Variants in CTNNA3 observed in about 807,000 individuals in gnomAD.
CTNNA3 encodes the protein catenin alpha 3, also known as catenin alpha-3.
In CTNNA3, 76 loss-of-function variants were observed where a neutral mutation model predicts 95.7. That is an observed-to-expected ratio of 0.79 (90% CI 0.66 to 0.96). The LOEUF is 0.96. CTNNA3 is among the 40% of genes least tolerant of loss of function. The pLI is 0.00. For missense variants in CTNNA3, 1,191 were observed against 1,089.8 expected (o/e 1.09, Z -1.31); for synonymous variants, 431 against 374.4 (o/e 1.15, Z -1.74).
chr10:67,526,854 T>C (rs1941362194), intron 4 of CTNNA3, among the ~76,000 whole-genome samples: 1 of 152,226 alleles, frequency 6.6e-6, no homozygotes, highest in Non-Finnish European at 1.5e-5. Context: ...GGTCATTCAA[T>C]AATTGTTTAT....
intron 7 of CTNNA3, among the ~76,000 whole-genome samples, chr10:66,859,264 C>T (rs1843806575): frequency 1.3e-5 from 2 of 151,960 alleles, no homozygotes; most frequent in African/African-American, 4.8e-5. Context: ...ACAACCTACT[C>T]ATCTGACAAA....
At position 67,260,597 on chromosome 10, in the gene CTNNA3, C is replaced by T. The variant is rs113822216; in HGVS notation, c.580-40727G>A. 3.8e-3 allele frequency among the ~76,000 whole-genome samples: 578 copies of T among 152,270 alleles called. 6 individuals carry two copies. The highest frequency in any genetic ancestry group is 0.013 in the African/African-American group (553 of 41,552). Reference sequence around the variant, plus strand: ...GCAAGAAGTGTCCTACCAATAATGCCGTCCTTGAAATGCAAGCATTGCAGG... The same window carrying T: ...GCAAGAAGTGTCCTACCAATAATGCTGTCCTTGAAATGCAAGCATTGCAGG... On this transcript the variant is annotated intron_variant, in intron 5 of 17. Coordinates refer to ENST00000433211, the MANE Select transcript of CTNNA3 (RefSeq NM_013266.4).
At chr10:67,452,891 T>C (rs75725479) in intron 5 of CTNNA3, among the ~76,000 whole-genome samples, 4 of 152,306 alleles carry the variant, frequency 2.6e-5, no homozygotes, top group East Asian at 1.9e-4. Flanking sequence ...TAAAATATAA[T>C]AGCAAATTAA....
rs941828514 is a variant in CTNNA3 at position 66,966,487 on chromosome 10, T to A, written c.1048-190963A>T. 6.1e-4 allele frequency among the ~76,000 whole-genome samples: 25 copies of A among 40,736 alleles called. 1 individual carries two copies. The highest frequency in any genetic ancestry group is 1.7e-3 in the Admixed American group (5 of 3,008). 26.7% of individuals were successfully genotyped at this position (40,736 alleles called of 152,430 possible). The stretch of plus-strand genomic sequence containing the variant: ...GGGTTAACTCGGCTATGTAATATAT[T>A]TTTTTTTTCAGGATATACCTTTCAG... On this transcript the variant is annotated intron_variant, in intron 7 of 17. Transcript: ENST00000433211.
chr10:67,109,791 C>T (rs1287437269), intron 7 of CTNNA3, among the ~76,000 whole-genome samples: 2 of 152,008 alleles, frequency 1.3e-5, no homozygotes, highest in Non-Finnish European at 2.9e-5. Context: ...TGCAGTGAGC[C>T]GAGATCGCGC....
At chr10:66,229,685 G>A (rs2132005548) in intron 13 of CTNNA3, among the ~76,000 whole-genome samples, 1 of 152,000 alleles carries the variant, frequency 6.6e-6, no homozygotes, top group Middle Eastern at 3.4e-3. Context: ...TTTCAGTATA[G>A]TTTGCCTCAG....
intron 7 of CTNNA3, among the ~76,000 whole-genome samples, chr10:66,882,933 C>A (rs1387565421): frequency 2.6e-5 from 4 of 151,852 alleles, no homozygotes; most frequent in African/African-American, 9.7e-5. Context: ...TTAGGAATAC[C>A]TAGGAGGTTT....
chr10:66,738,390 C>T (rs1279982167), intron 9 of CTNNA3, among the ~76,000 whole-genome samples: 2 of 152,168 alleles, frequency 1.3e-5, no homozygotes, highest in Non-Finnish European at 2.9e-5. Context: ...TTCTAATTTT[C>T]CTTCTCATCC....
At position 66,069,557 on chromosome 10, in the gene CTNNA3, T is replaced by C. The variant is rs545779753; in HGVS notation, c.1978-68A>G. ...CAAAAGCATTTTAGGAATAAGTAGA[T>C]ATTATAGGATACTCATAAAACTTGT... On this transcript the variant is annotated intron_variant, in intron 14 of 17. Transcript: ENST00000433211. 73 of 1,172,036 alleles carry C rather than the reference T, an allele frequency of 6.2e-5. No homozygotes were observed. The African/African-American group carries it at 1.1e-3, about 17-fold the overall frequency. The allele number at this position is 1,172,036 out of a possible 1,614,324, so 72.6% of individuals were successfully genotyped here. A position where few individuals can be genotyped will look rare whatever the true frequency, so the allele number is the denominator to read the frequency against.
chr10:66,394,550 T>TAAA (rs71035137), intron 11 of CTNNA3, among the ~76,000 whole-genome samples: 14 of 128,136 alleles, frequency 1.1e-4, no homozygotes, highest in Non-Finnish European at 2.0e-4. Context: ...AGCACTGGGT[T>TAAA]AAAAAAAAAA....
chr10:66,387,040 G>A (rs1375881918), intron 11 of CTNNA3, among the ~76,000 whole-genome samples: 1 of 152,040 alleles, frequency 6.6e-6, no homozygotes, highest in Non-Finnish European at 1.5e-5. Context: ...GCATAGGCAA[G>A]GACTTCATGA....
At chr10:67,508,592 G>A (rs10997683) in intron 5 of CTNNA3, among the ~76,000 whole-genome samples, 6,368 of 152,158 alleles carry the variant, frequency 0.042, 153 homozygotes, top group South Asian at 0.1. Flanking sequence ...TATGACATTA[G>A]TTTTCACAAT....
chr10:66,655,335 T>G (rs1211184566), intron 9 of CTNNA3, among the ~76,000 whole-genome samples: 1 of 152,034 alleles, frequency 6.6e-6, no homozygotes, highest in African/African-American at 2.4e-5. Context: ...ATATATACAA[T>G]CTAGTACTAA....
Position 66,779,120 on chromosome 10 carries a change from G to A in CTNNA3, c.1048-3596C>T, listed in dbSNP as rs1840428743. Among the ~76,000 whole-genome samples, 4 of 152,106 alleles carry A rather than the reference G, an allele frequency of 2.6e-5. 1 individual carries two copies. In the South Asian group the frequency reaches 8.3e-4, roughly 32 times the overall value. ...CTCCTTTGCTCTAAAACCCTTCACTGTATCCCTACTGATGAAATTAAGAAC... is the reference window on the plus strand; with the variant it reads ...CTCCTTTGCTCTAAAACCCTTCACTATATCCCTACTGATGAAATTAAGAAC... On this transcript the variant is annotated intron_variant, in intron 7 of 17. Transcript: ENST00000433211.
intron 9 of CTNNA3, chr10:66,766,015 T>C (rs1280287519): frequency 5.5e-6 from 2 of 365,458 alleles, no homozygotes; most frequent in Non-Finnish European, 9.9e-6. Context: ...TAAGGATAAA[T>C]CAAAGTATTC....
intron 6 of CTNNA3, among the ~76,000 whole-genome samples, chr10:67,208,338 C>T (rs1158035081): frequency 6.9e-6 from 1 of 144,686 alleles, no homozygotes; most frequent in African/African-American, 2.6e-5. Flanking sequence ...GAGATCGTGC[C>T]ACTGCACTCC....
chr10:66,833,009 C>T (rs1432467308), intron 7 of CTNNA3, among the ~76,000 whole-genome samples: 1 of 152,178 alleles, frequency 6.6e-6, no homozygotes, highest in Non-Finnish European at 1.5e-5. Flanking sequence ...CACCCCCTTC[C>T]TGAATTTGTG....
At chr10:67,263,072 C>T (rs1564520381) in intron 5 of CTNNA3, among the ~76,000 whole-genome samples, 1 of 152,158 alleles carries the variant, frequency 6.6e-6, no homozygotes, top group East Asian at 1.9e-4. Flanking sequence ...AACTAAGTCT[C>T]TACAGGTTAG....
At chr10:67,001,970 G>C (rs1042586625) in intron 7 of CTNNA3, among the ~76,000 whole-genome samples, 2 of 152,208 alleles carry the variant, frequency 1.3e-5, no homozygotes, top group Non-Finnish European at 2.9e-5. Context: ...TGAGGAAGCA[G>C]AGAGTGCAGA....
Sources: allele counts gnomAD v4.1 joint callset (sites outside exome capture counted in the v4.1 genomes callset), GRCh38; gene constraint gnomAD v4.1.1; transcripts MANE v1.5; gene names NCBI Gene and HGNC (gene_info 2026-07-23, HGNC 2026-07-21).